Variants in DLGAP1 observed in about 807,000 individuals in gnomAD.
DLGAP1 encodes the protein disks large-associated protein 1.
DLGAP1 carries 11 observed loss-of-function variants against 90.8 expected under a neutral mutation model. The observed-to-expected ratio is 0.12, with a 90% CI of 0.08 to 0.20. The LOEUF is 0.20. Ranked by LOEUF, DLGAP1 falls within the 10% of genes least tolerant of loss-of-function variation. The probability of loss-of-function intolerance (pLI) is 1.00; values close to 1 mark genes in which losing one functional copy is unlikely to be tolerated. For synonymous variants in DLGAP1, 558 were observed against 540.7 expected, an observed-to-expected ratio of 1.03 and a Z score of -0.44; for missense variants, 1,050 against 1,333.8, an observed-to-expected ratio of 0.79 and a Z score of 3.31.
intron 1 of DLGAP1, among the ~76,000 whole-genome samples, chr18:4,450,993 TTTTGCATGAG>T: frequency 6.6e-6 from 1 of 152,356 alleles, no homozygotes; most frequent in East Asian, 1.9e-4. Flanking sequence ...CAGGGCTTCC[TTTTGCATGAG>T]CTGGTTTTCC....
intron 3 of DLGAP1, among the ~76,000 whole-genome samples, chr18:3,954,112 T>TTTTATAGACAAGTTTATAATTCAA (rs1440849973): frequency 2.6e-5 from 4 of 152,244 alleles, no homozygotes; most frequent in Non-Finnish European, 4.4e-5. Context: ...TATAGACAAT[T>TTTTATAGACAAGTTTATAATTCAA]GTTTATCATT....
intron 1 of DLGAP1, among the ~76,000 whole-genome samples, chr18:4,324,932 A>G (rs2080783060): frequency 6.6e-6 from 1 of 152,202 alleles, no homozygotes; most frequent in Non-Finnish European, 1.5e-5. Flanking sequence ...AAAAGCTGGA[A>G]GCTTTCTCTT....
At chr18:4,008,063 T>C (rs1470686131) in intron 2 of DLGAP1, among the ~76,000 whole-genome samples, 1 of 152,158 alleles carries the variant, frequency 6.6e-6, no homozygotes, top group African/African-American at 2.4e-5. Flanking sequence ...CTGGGCTGTT[T>C]CCTCTGTCTG....
In DLGAP1 at chr18:3,643,555, T is replaced by C. The variant is rs570587102; in HGVS notation, c.1592-61307A>G. 2.9e-4 allele frequency among the ~76,000 whole-genome samples: 43 copies of C among 147,566 alleles called. No homozygotes were observed. In the East Asian group the frequency reaches 8.8e-3, roughly 30 times the overall value. On this transcript the variant is annotated intron_variant, in intron 7 of 12. Coordinates refer to ENST00000315677, the MANE Select transcript of DLGAP1 (RefSeq NM_004746.4). ...GCAGGCGCCTGTAGTTCCAGCTACT[T>C]GGGAGGCTGAGGCAGGAGAATGGCG...
chr18:4,093,174 T>C (rs2075615657), intron 2 of DLGAP1, among the ~76,000 whole-genome samples: 1 of 152,228 alleles, frequency 6.6e-6, no homozygotes, highest in Non-Finnish European at 1.5e-5. Flanking sequence ...GCATGCAATG[T>C]GGTTGATGTT....
At chr18:4,198,300 A>G (rs1341208098) in intron 1 of DLGAP1, among the ~76,000 whole-genome samples, 2 of 152,310 alleles carry the variant, frequency 1.3e-5, no homozygotes, top group East Asian at 3.9e-4. Flanking sequence ...AGAGATGGTC[A>G]TGGCCTATTT....
intron 2 of DLGAP1, among the ~76,000 whole-genome samples, chr18:4,128,402 C>T (rs956419070): frequency 9.2e-5 from 14 of 152,094 alleles, no homozygotes; most frequent in Admixed American, 1.3e-4. Context: ...GGATCCAAGG[C>T]CATGCTTGTT....
intron 1 of DLGAP1, among the ~76,000 whole-genome samples, chr18:4,437,631 G>C (rs1049590000): frequency 6.6e-6 from 1 of 152,184 alleles, no homozygotes; most frequent in African/African-American, 2.4e-5. Flanking sequence ...GTGGATGGCT[G>C]AATCTATGGA....
At chr18:4,074,080 C>G (rs75324967) in intron 2 of DLGAP1, among the ~76,000 whole-genome samples, 11,919 of 151,978 alleles carry the variant, frequency 0.078, 591 homozygotes, top group East Asian at 0.17. Context: ...CTCCACAATA[C>G]TTTATAAAGC....
chr18:4,017,299 T>A (rs1225713392), intron 2 of DLGAP1, among the ~76,000 whole-genome samples: 1 of 152,200 alleles, frequency 6.6e-6, no homozygotes, highest in Non-Finnish European at 1.5e-5. Context: ...TGTTCACTCG[T>A]GTACACCAAG....
At chr18:4,382,733 C>G (rs2082154867) in intron 1 of DLGAP1, among the ~76,000 whole-genome samples, 1 of 152,036 alleles carries the variant, frequency 6.6e-6, no homozygotes, top group Non-Finnish European at 1.5e-5. Flanking sequence ...AAAAATGAAA[C>G]CTTTCCTGTA....
intron 2 of DLGAP1, among the ~76,000 whole-genome samples, chr18:4,027,259 A>C (rs2074715526): frequency 6.6e-6 from 1 of 152,038 alleles, no homozygotes; most frequent in Non-Finnish European, 1.5e-5. Flanking sequence ...TAATCCCAGC[A>C]CTTTGGGAGG....
chr18:4,426,558 C>T (rs280994), intron 1 of DLGAP1, among the ~76,000 whole-genome samples: 1 of 151,932 alleles, frequency 6.6e-6, no homozygotes, highest in Admixed American at 6.5e-5. Context: ...GACATCTTGC[C>T]TTTGCACCAC....
chr18:4,113,322 T>C (rs2076006316), intron 2 of DLGAP1, among the ~76,000 whole-genome samples: 1 of 152,222 alleles, frequency 6.6e-6, no homozygotes, highest in South Asian at 2.1e-4. Context: ...TGAGATGGTA[T>C]CTCATTGTGG....
intron 3 of DLGAP1, chr18:3,891,998 C>T (rs1415604951): frequency 6.6e-6 from 1 of 151,902 alleles, no homozygotes; most frequent in African/African-American, 2.4e-5. Context: ...CTATTTCAAC[C>T]TCCCAAGGTG....
intron 10 of DLGAP1, among the ~76,000 whole-genome samples, chr18:3,524,094 T>A (rs1020074395): frequency 1.3e-5 from 2 of 152,002 alleles, no homozygotes; most frequent in African/African-American, 4.8e-5. Context: ...CATAGTGAGA[T>A]CTTGTATCCA....
intron 7 of DLGAP1, among the ~76,000 whole-genome samples, chr18:3,627,641 G>T (rs1488523895): frequency 1.3e-5 from 2 of 151,948 alleles, no homozygotes; most frequent in Non-Finnish European, 2.9e-5. Context: ...ATATTTAGTT[G>T]TGGGGCATTC....
chr18:3,676,168 G>A (rs528829949), intron 7 of DLGAP1, among the ~76,000 whole-genome samples: 3 of 152,308 alleles, frequency 2.0e-5, no homozygotes, highest in East Asian at 1.9e-4. Context: ...TCTGCCAGCC[G>A]CGTGTACAGC....
chr18:4,390,987 G>A (rs1207101904), intron 1 of DLGAP1, among the ~76,000 whole-genome samples: 1 of 152,054 alleles, frequency 6.6e-6, no homozygotes, highest in Non-Finnish European at 1.5e-5. Flanking sequence ...AGTACAGAAT[G>A]GTCATATACC....
Sources: allele counts gnomAD v4.1 joint callset (sites outside exome capture counted in the v4.1 genomes callset), GRCh38; gene constraint gnomAD v4.1.1; transcripts MANE v1.5; gene names NCBI Gene and HGNC (gene_info 2026-07-23, HGNC 2026-07-21).